IL32: variants seen among roughly 807,000 people sequenced by gnomAD.
IL32 encodes interleukin-32.
In IL32, 30 loss-of-function variants were observed where a neutral mutation model predicts 16.6. The observed-to-expected ratio is 1.81, with a 90% CI of 1.35 to 2.45. IL32 has a LOEUF of 2.45. Ranked by LOEUF, IL32 falls within the 30% of genes most tolerant of loss-of-function variation. IL32 has a pLI of 0.00. For missense variants in IL32, 234 were observed against 229.8 expected (o/e 1.02, Z -0.12); for synonymous variants, 70 against 86.1 (o/e 0.81, Z 1.03).
At position 3,065,772 on chromosome 16, in the gene IL32, C is replaced by T; in HGVS notation, c.-28-12C>T. 2 of 1,613,930 alleles carry T rather than the reference C, an allele frequency of 1.2e-6. No homozygotes were observed. Among genetic ancestry groups the T allele is most frequent in the South Asian group, 2.2e-5 (2 of 91,080 alleles). ...ACACTTTCTTTTCCTCACACCTGTT[C>T]CTCGCCAGCAGGCCTTGGCTCCTTG... On this transcript the variant is annotated splice_polypyrimidine_tract_variant and intron_variant, in intron 1 of 6. Coordinates refer to ENST00000525643, the MANE Select transcript of IL32 (RefSeq NM_001376923.1).
chr16:3,065,770 T>C lies in IL32; in HGVS notation c.-28-14T>C. 6.2e-7 allele frequency: 1 copy of C among 1,613,854 alleles called. No individual in the cohort carries two copies. The highest frequency in any genetic ancestry group is 8.5e-7 in the Non-Finnish European group (1 of 1,179,762). On this transcript the variant is annotated splice_polypyrimidine_tract_variant and intron_variant, in intron 1 of 6. Coordinates refer to ENST00000525643, the MANE Select transcript of IL32 (RefSeq NM_001376923.1). ...AGACACTTTCTTTTCCTCACACCTG[T>C]TCCTCGCCAGCAGGCCTTGGCTCCT...
Position 3,065,685 on chromosome 16 carries a change from C to T in IL32, c.-31C>T. 3 of 949,116 alleles carry T rather than the reference C, an allele frequency of 3.2e-6. No homozygotes were observed. In the South Asian group the frequency reaches 3.9e-5, roughly 12 times the overall value. The allele number at this position is 949,116 out of a possible 1,614,324, so 58.8% of individuals were successfully genotyped here. On this transcript the variant is annotated splice_region_variant and 5_prime_UTR_variant, in exon 1 of 7. Coordinates refer to ENST00000525643, the MANE Select transcript of IL32 (RefSeq NM_001376923.1). ...CTGTCTCAGTGGAGCTGGGTCATCT[C>T]AGGTGGGGAGTTGGGGTCCCCGAAG...
rs762192851 is a variant in IL32, at chr16:3,068,196, G to A, written c.158G>A (p.Gly53Asp). The change falls in exon 6 of 7, where the codon GGC (glycine) becomes GAC (aspartate). Residue 53 changes from glycine (G) to aspartate (D), a missense_variant. Physicochemically the swap from Gly to Asp is moderately conservative, Grantham distance 94. Transcript: ENST00000525643. ...TCTCCCCAGGACGACTTCAAAGAGG[G>A]CTACCTGGAGACAGTGGCGGCTTAT... Reference protein sequence around the residue: ...LAELEDDFKEGYLETVAAYYE... With the variant: ...LAELEDDFKEDYLETVAAYYE... 7 of 1,604,118 alleles carry A rather than the reference G, an allele frequency of 4.4e-6. No homozygotes were observed. Among genetic ancestry groups the A allele is most frequent in the African/African-American group, 1.3e-5 (1 of 74,750 alleles).
intron 2 of IL32, among the ~76,000 whole-genome samples, chr16:3,067,068 C>G (rs1267806733): frequency 1.1e-5 from 1 of 95,230 alleles, no homozygotes; most frequent in African/African-American, 3.5e-5. Flanking sequence ...GAGGGGTCAC[C>G]TAGGCCCACG....
At position 3,067,725 on chromosome 16, in the gene IL32, C is replaced by T. The variant is rs1280536116; in HGVS notation, c.114+112C>T. 3 of 947,022 alleles carry T rather than the reference C, an allele frequency of 3.2e-6. No homozygotes were observed. In the African/African-American group the frequency reaches 4.9e-5, roughly 15 times the overall value. The allele number at this position is 947,022 out of a possible 1,614,324, so 58.7% of individuals were successfully genotyped here. On this transcript the variant is annotated intron_variant, in intron 4 of 6. Transcript: ENST00000525643. ...AAGAGGGACCCACAGGCTCCCTCACCCCTTACCGTGGGCAAATGCTTGCAC... is the reference window on the plus strand; with the variant it reads ...AAGAGGGACCCACAGGCTCCCTCACTCCTTACCGTGGGCAAATGCTTGCAC...
chr16:3,068,292 TC>T, intron 6 of IL32, 53 bp downstream of exon 6: 7 of 1,431,422 alleles, frequency 4.9e-6, no homozygotes, highest in Non-Finnish European at 6.8e-6. Context: ...CTCTGCCCTG[TC>T]TTTTCTTTCT....
At position 3,065,906 on chromosome 16, in the gene IL32, G is replaced by A. The variant is rs149042998; in HGVS notation, c.15+80G>A. 453 of 1,547,246 alleles carry A rather than the reference G, an allele frequency of 2.9e-4. 1 individual carries two copies. In the African/African-American group the frequency reaches 5.1e-3, roughly 17 times the overall value. On this transcript the variant is annotated intron_variant, in intron 2 of 6. Transcript: ENST00000525643. Reference sequence around the variant, plus strand: ...GGTGCGGGTGCCCTCAGTATTTCCCGAGGTGCCTGTGTGTCAGGGCTCAGT... The same window carrying A: ...GGTGCGGGTGCCCTCAGTATTTCCCAAGGTGCCTGTGTGTCAGGGCTCAGT...
At position 3,068,344 on chromosome 16, in the gene IL32, C is replaced by T. The variant is rs188728603; in HGVS notation, c.201+105C>T. 87 of 1,124,536 alleles carry T rather than the reference C, an allele frequency of 7.7e-5. No individual in the cohort carries two copies. The East Asian group carries it at 1.7e-3, about 21-fold the overall frequency. 69.7% of individuals were successfully genotyped at this position (1,124,536 alleles called of 1,614,324 possible). On this transcript the variant is annotated intron_variant, in intron 6 of 6. Coordinates refer to ENST00000525643, the MANE Select transcript of IL32 (RefSeq NM_001376923.1). ...TATTTGAGACAGAGTCTCGCTCTGT[C>T]GCCCAGGCTGGAGTGCAGTGGCATG...
chr16:3,068,050 G>C (rs1307978481), intron 5 of IL32, 40 bp downstream of exon 5: 3 of 1,612,922 alleles, frequency 1.9e-6, no homozygotes, highest in Non-Finnish European at 1.7e-6. Context: ...TTAGTCCCTG[G>C]GTCTTAGGCT....
chr16:3,066,191 C>G (rs895495207), intron 2 of IL32, among the ~76,000 whole-genome samples: 7 of 152,094 alleles, frequency 4.6e-5, no homozygotes, highest in African/African-American at 1.7e-4. Flanking sequence ...GTCCTGGTGT[C>G]TCTTCCTCCT....
At chr16:3,068,792 G>T in intron 6 of IL32, 198 bp from the exon 7 acceptor site, 1 of 833,280 alleles carries the variant, frequency 1.2e-6, no homozygotes, top group East Asian at 2.7e-5. Context: ...CACCCATCCT[G>T]TCACTGCCAT....
At chr16:3,067,226 CT>C (rs1956444009) in intron 2 of IL32, 150 bp from the exon 3 acceptor site, 1 of 592,156 alleles carries the variant, frequency 1.7e-6, no homozygotes, top group African/African-American at 1.9e-5. Context: ...TGAGGGGCTC[CT>C]GGGACTGCTG....
intron 5 of IL32, 51 bp from the exon 6 acceptor site, chr16:3,068,129 G>C: frequency 1.2e-6 from 2 of 1,603,204 alleles, no homozygotes; most frequent in Non-Finnish European, 1.7e-6. Context: ...GCCACAGTGG[G>C]AAGGGGGCAG....
At chr16:3,067,170 T>A (rs1956433658) in intron 2 of IL32, among the ~76,000 whole-genome samples, 1 of 152,038 alleles carries the variant, frequency 6.6e-6, no homozygotes. Flanking sequence ...AGAGAAGCGC[T>A]TTCTGAGTCG....
At position 3,068,162 on chromosome 16, in the gene IL32, G is replaced by C. The variant is rs1246364652; in HGVS notation, c.142-18G>C. On this transcript the variant is annotated intron_variant, in intron 5 of 6. Transcript: ENST00000525643. ...CAGGCAGGAGCAGCATGAACCCCCT[G>C]TGCCCTCCTCTCCCCAGGACGACTT... 6 of 1,604,012 alleles carry C rather than the reference G, an allele frequency of 3.7e-6. No homozygotes were observed. The highest frequency in any genetic ancestry group is 2.2e-5 in the South Asian group (2 of 89,772).
chr16:3,069,325 G>A lies in IL32; in HGVS notation c.537G>A (p.Gln179=), dbSNP rs140102091. 0.017 allele frequency: 26,877 copies of A among 1,607,164 alleles called. 57 individuals are homozygous for A. The highest frequency in any genetic ancestry group is 0.02 in the Non-Finnish European group (23,926 of 1,176,816). The stretch of plus-strand genomic sequence containing the variant: ...GGGACAAGGAGGAGCTGACACCCCA[G>A]AAGTGCTCTGAACCCCAATCCTCAA... The part of the protein sequence containing the change: ...PRGDKEELTP[Q]KCSEPQSSK The change falls in exon 7 of 7, where the codon CAG becomes CAA. Residue 179 remains glutamine (Q), a synonymous_variant. Coordinates refer to ENST00000525643, the MANE Select transcript of IL32 (RefSeq NM_001376923.1).
chr16:3,068,228 G>A lies in IL32; in HGVS notation c.190G>A (p.Glu64Lys). 6.3e-7 allele frequency: 1 copy of A among 1,597,634 alleles called. No individual in the cohort carries two copies. The highest frequency in any genetic ancestry group is 1.1e-5 in the South Asian group (1 of 88,682). The change falls in exon 6 of 7, where the codon GAG becomes AAG. Residue 64 changes from glutamate (E) to lysine (K), a missense_variant. This residue lies in a region of IL32 where 137 missense variants were observed against 80.7 expected (regional missense o/e 1.70). Transcript: ENST00000525643. The stretch of plus-strand genomic sequence containing the variant: ...GGAGACAGTGGCGGCTTATTATGAG[G>A]AGCAGCACCCAGTGAGTATGACACA... ...YLETVAAYYE[E>K]QHPELTPLLE...
chr16:3,068,634 G>A (rs970083745), intron 6 of IL32: 2 of 420,234 alleles, frequency 4.8e-6, no homozygotes, highest in South Asian at 4.4e-5. Flanking sequence ...TCTTGATGTG[G>A]TGTGGGCAGG....
intron 3 of IL32, 34 bp from the exon 4 acceptor site, chr16:3,067,520 G>A (rs375355403): frequency 2.2e-5 from 35 of 1,614,012 alleles, no homozygotes; most frequent in East Asian, 1.6e-4. Flanking sequence ...ACAAGGATCC[G>A]GCCCTTTGGT....
Sources: gnomAD v4.1 joint callset for allele counts (sites outside exome capture counted in the v4.1 genomes callset) on GRCh38, gnomAD v4.1.1 for gene constraint, gnomAD v4.1.1 regional missense constraint, MANE v1.5 for transcripts, NCBI Gene and HGNC (gene_info 2026-07-23, HGNC 2026-07-21) for gene names.